The following PAH variants were observed in gnomAD, a reference collection of about 807,000 sequenced individuals.
PAH encodes phenylalanine hydroxylase, also known as phenylalanine-4-hydroxylase.
In PAH, 64 loss-of-function variants were observed where a neutral mutation model predicts 62.0. The ratio of observed to expected loss-of-function variants is 1.03; its 90% confidence interval spans 0.84 to 1.27. PAH has a LOEUF of 1.27. Ranked by LOEUF, PAH falls within the 50% of genes most tolerant of loss-of-function variation. PAH has a pLI of 0.00. For missense variants in PAH, 579 were observed against 542.8 expected, an observed-to-expected ratio of 1.07 and a Z score of -0.66; for synonymous variants, 195 against 196.2, an observed-to-expected ratio of 0.99 and a Z score of 0.05.
intron 3 of PAH, among the ~76,000 whole-genome samples, chr12:102,882,696 C>G (rs1244401580): frequency 1.4e-5 from 2 of 137,980 alleles, no homozygotes; most frequent in Non-Finnish European, 3.1e-5. Flanking sequence ...TCTACTGTAT[C>G]CTTAGCTTAT....
At position 102,932,989 on chromosome 12, in the gene PAH, A is replaced by T. The variant is rs183595525; in HGVS notation, c.-95-15764T>A. Among the ~76,000 whole-genome samples the T allele has an allele frequency of 2.3e-3, 353 of 152,274 alleles. 2 individuals carry two copies. The highest frequency in any genetic ancestry group is 7.9e-3 in the African/African-American group (328 of 41,548). ...CTTTCTTTGTGTTACAAACAATCCA[A>T]TTATGCTCTTTCATTTTAAAATGTA... On this transcript the variant is annotated intron_variant, in intron 1 of 3. Coordinates refer to the PAH transcript ENST00000546844.
At position 102,881,468 on chromosome 12, in the gene PAH, T is replaced by A. The variant is rs185120664; in HGVS notation, c.353-3918A>T. On this transcript the variant is annotated intron_variant, in intron 3 of 12. Transcript: ENST00000553106. ...TCATTTTTCCTGTGCGGGTATGGAGTGGGACAAGGACACTTGAGATCTCTC... is the reference window on the plus strand; with the variant it reads ...TCATTTTTCCTGTGCGGGTATGGAGAGGGACAAGGACACTTGAGATCTCTC... Among the ~76,000 whole-genome samples, 491 of 152,150 alleles carry A rather than the reference T, an allele frequency of 3.2e-3. 5 individuals carry two copies. Among genetic ancestry groups the A allele is most frequent in the African/African-American group, 0.012 (479 of 41,500 alleles).
intron 2 of PAH, among the ~76,000 whole-genome samples, chr12:102,911,804 C>G (rs1435592031): frequency 6.6e-6 from 1 of 152,144 alleles, no homozygotes; most frequent in East Asian, 1.9e-4. Context: ...GATTGCATGC[C>G]CAAACACACT....
intron 1 of PAH, among the ~76,000 whole-genome samples, chr12:102,932,061 T>C (rs1878899085): frequency 6.6e-6 from 1 of 152,158 alleles, no homozygotes; most frequent in South Asian, 2.1e-4. Flanking sequence ...TTTGAGGTCG[T>C]CAGAGTCTGT....
At chr12:102,936,332 C>T (rs1879097642) in intron 1 of PAH, among the ~76,000 whole-genome samples, 1 of 152,078 alleles carries the variant, frequency 6.6e-6, no homozygotes, top group Non-Finnish European at 1.5e-5. Flanking sequence ...GATCCATGAG[C>T]TGTGGAGAAT....
At chr12:102,930,747 G>A (rs191565771) in intron 1 of PAH, among the ~76,000 whole-genome samples, 1 of 152,162 alleles carries the variant, frequency 6.6e-6, no homozygotes, top group Non-Finnish European at 1.5e-5. Context: ...TTCTCTCCTT[G>A]TCAGGAATAT....
chr12:102,910,052 A>T (rs1878142094), intron 2 of PAH, among the ~76,000 whole-genome samples: 1 of 152,192 alleles, frequency 6.6e-6, no homozygotes, highest in African/African-American at 2.4e-5. Flanking sequence ...AATTTTCTTT[A>T]GATTGAATTT....
chr12:102,857,753 C>T (rs1255812719), intron 5 of PAH, among the ~76,000 whole-genome samples: 2 of 152,084 alleles, frequency 1.3e-5, no homozygotes, highest in Non-Finnish European at 2.9e-5. Flanking sequence ...GAAATAAAAT[C>T]CTTTACAGAC....
rs567379495 is a variant in PAH, at chr12:102,868,910, G to A, written c.442-2247C>T. ...TTTCTCCAGGCCCTAAGGATAATAT[G>A]TAGACTTTTGACCCTGTAAGGCACC... On this transcript the variant is annotated intron_variant, in intron 4 of 12. Coordinates refer to ENST00000553106, the MANE Select transcript of PAH (RefSeq NM_000277.3). Among the ~76,000 whole-genome samples, 20 of 152,294 alleles carry A rather than the reference G, an allele frequency of 1.3e-4. No individual in the cohort carries two copies. In the East Asian group the frequency reaches 1.9e-3, roughly 15 times the overall value.
chr12:102,892,372 G>A (rs1439177343), intron 3 of PAH, among the ~76,000 whole-genome samples: 1 of 142,404 alleles, frequency 7.0e-6, no homozygotes, highest in African/African-American at 2.9e-5. Context: ...AAAGAAACTC[G>A]ATTTTACAGT....
At chr12:102,844,054 G>GGCATGTGTTT (rs1259233322) in intron 10 of PAH, among the ~76,000 whole-genome samples, 3 of 152,034 alleles carry the variant, frequency 2.0e-5, no homozygotes, top group Non-Finnish European at 4.4e-5. Context: ...CACACTTTCT[G>GGCATGTGTTT]GCATGTGTTT....
intron 3 of PAH, among the ~76,000 whole-genome samples, chr12:102,889,382 T>C (rs530252820): frequency 1.3e-5 from 2 of 151,838 alleles, no homozygotes; most frequent in East Asian, 3.9e-4. Context: ...CTCACAGTAA[T>C]CATAAGTGTT....
At chr12:102,948,721 C>A (rs898952294) in intron 1 of PAH, among the ~76,000 whole-genome samples, 3 of 152,112 alleles carry the variant, frequency 2.0e-5, no homozygotes, top group Non-Finnish European at 1.5e-5. Flanking sequence ...GTCTTATCAC[C>A]CAGAATACCT....
chr12:102,920,289 T>A (rs1878519816), upstream of PAH, among the ~76,000 whole-genome samples: 1 of 152,206 alleles, frequency 6.6e-6, no homozygotes, highest in Non-Finnish European at 1.5e-5. Flanking sequence ...TGTGCTGCTA[T>A]AATGAGAGCA....
At chr12:102,890,413 A>C (rs559800214) in intron 3 of PAH, among the ~76,000 whole-genome samples, 3 of 152,266 alleles carry the variant, frequency 2.0e-5, no homozygotes, top group African/African-American at 7.2e-5. Context: ...CTTAAGAAAA[A>C]CCTGTTTCTT....
chr12:102,916,653 C>G, intron 1 of PAH: 1 of 223,102 alleles, frequency 4.5e-6, no homozygotes, highest in South Asian at 6.7e-5. Flanking sequence ...ATTTTGATAC[C>G]TTGCTGAGAG....
chr12:102,923,235 C>T (rs755891510), intron 1 of PAH, among the ~76,000 whole-genome samples: 10 of 152,190 alleles, frequency 6.6e-5, no homozygotes, highest in Admixed American at 2.0e-4. Context: ...ATAATGCCTG[C>T]GTGAATGAGA....
chr12:102,901,905 G>GA (rs141860728), intron 2 of PAH, among the ~76,000 whole-genome samples: 3,545 of 151,364 alleles, frequency 0.023, 127 homozygotes, highest in African/African-American at 0.079. Context: ...GGGAAAAGCA[G>GA]AAAAAAAAAT....
intron 8 of PAH, chr12:102,847,482 G>A (rs913010493): frequency 1.8e-5 from 3 of 168,736 alleles, no homozygotes; most frequent in African/African-American, 7.1e-5. Context: ...AGCACTTACT[G>A]CAGCCTGCCT....
Sources: allele counts gnomAD v4.1 joint callset (sites outside exome capture counted in the v4.1 genomes callset), GRCh38; gene constraint gnomAD v4.1.1; transcripts MANE v1.5; gene names NCBI Gene and HGNC (gene_info 2026-07-23, HGNC 2026-07-21).